Variants in KLF8 observed in about 807,000 individuals in gnomAD.
KLF8 encodes the protein KLF transcription factor 8.
A neutral mutation model predicts 18.2 loss-of-function variants in KLF8; 10 were observed. The ratio of observed to expected loss-of-function variants is 0.55; its 90% CI spans 0.34 to 0.93. The LOEUF (loss-of-function observed/expected upper bound fraction) is 0.93, where lower values mean the gene tolerates loss of function less well. Ranked by LOEUF, KLF8 falls within the 40% of genes least tolerant of loss-of-function variation. KLF8 has a pLI of 0.02. For missense variants in KLF8, 264 were observed against 277.9 expected (o/e 0.95, Z 0.36); for synonymous variants, 109 against 97.3 (o/e 1.12, Z -0.71).
the KLF8 span, among the ~76,000 whole-genome samples, chrX:56,181,793 C>G: frequency 9.4e-6 from 1 of 106,009 alleles, no homozygotes; most frequent in Non-Finnish European, 1.9e-5. Flanking sequence ...TATTGCTCCC[C>G]CCCCTTCTGG....
chrX:56,211,385 T>A, the KLF8 span, among the ~76,000 whole-genome samples: 1 of 112,192 alleles, frequency 8.9e-6, no homozygotes, highest in African/African-American at 3.2e-5. Flanking sequence ...ACATACAGAG[T>A]CTCTCTGTCT....
the KLF8 span, among the ~76,000 whole-genome samples, chrX:56,056,846 A>G: frequency 5.6e-4 from 61 of 108,943 alleles, no homozygotes; most frequent in South Asian, 0.024. Context: ...AAAAAAAAAA[A>G]AAAAAAAGAA....
At chrX:55,946,768 A>G in the KLF8 span, among the ~76,000 whole-genome samples, 2 of 111,167 alleles carry the variant, frequency 1.8e-5, no homozygotes, top group East Asian at 5.6e-4. Flanking sequence ...AGAATCTACA[A>G]TCAACTCAAA....
chrX:56,250,786 T>C (rs2066698367), intron 2 of KLF8, among the ~76,000 whole-genome samples: 1 of 111,336 alleles, frequency 9.0e-6, no homozygotes, highest in East Asian at 2.8e-4. Flanking sequence ...CATTAGATTG[T>C]GGAGGCATGG....
the KLF8 span, among the ~76,000 whole-genome samples, chrX:56,041,908 T>C: frequency 9.0e-6 from 1 of 111,560 alleles, no homozygotes; most frequent in Non-Finnish European, 1.9e-5. Context: ...CAGATGGTCT[T>C]GATCTCTTGA....
the KLF8 span, among the ~76,000 whole-genome samples, chrX:55,996,363 ATTCCAGACATT>A: frequency 8.9e-6 from 1 of 112,047 alleles, no homozygotes; most frequent in Non-Finnish European, 1.9e-5. Flanking sequence ...TATGGTTGTC[ATTCCAGACATT>A]TTAGTCTGGT....
the KLF8 span, among the ~76,000 whole-genome samples, chrX:56,127,246 G>T: frequency 9.0e-6 from 1 of 111,254 alleles, no homozygotes; most frequent in Admixed American, 9.6e-5. Context: ...ATATTGTTTT[G>T]TTTATCAATG....
chrX:56,162,461 G>A, the KLF8 span, among the ~76,000 whole-genome samples: 809 of 111,666 alleles, frequency 7.2e-3, 6 homozygotes, highest in African/African-American at 0.025. Flanking sequence ...CTCAAGCCTC[G>A]GCAATGCCGG....
chrX:56,191,299 A>C, the KLF8 span, among the ~76,000 whole-genome samples: 2 of 112,071 alleles, frequency 1.8e-5, no homozygotes, highest in East Asian at 5.6e-4. Flanking sequence ...ACAGGTAATG[A>C]GATTGAAGCT....
chrX:55,913,903 G>T, the KLF8 span, among the ~76,000 whole-genome samples: 1 of 111,842 alleles, frequency 8.9e-6, no homozygotes, highest in African/African-American at 3.2e-5. Flanking sequence ...AAAAGCAGTG[G>T]CTGGAAAAAC....
the KLF8 span, among the ~76,000 whole-genome samples, chrX:56,123,209 C>T: frequency 9.4e-6 from 1 of 106,260 alleles, no homozygotes; most frequent in Non-Finnish European, 1.9e-5. Context: ...TGACAGAGAG[C>T]CAGTGCATTC....
At chrX:56,071,191 T>A in the KLF8 span, among the ~76,000 whole-genome samples, 1 of 111,624 alleles carries the variant, frequency 9.0e-6, no homozygotes, top group Non-Finnish European at 1.9e-5. Context: ...AGACTGAATT[T>A]GAGATATGAA....
the KLF8 span, among the ~76,000 whole-genome samples, chrX:56,174,480 C>T: frequency 8.9e-6 from 1 of 111,935 alleles, no homozygotes; most frequent in South Asian, 3.7e-4. Flanking sequence ...TTTTGATGTG[C>T]TGCTGGATTA....
chrX:56,221,645 G>A, the KLF8 span, among the ~76,000 whole-genome samples: 4 of 110,916 alleles, frequency 3.6e-5, no homozygotes, highest in Non-Finnish European at 7.6e-5. Flanking sequence ...GAGTGTTACA[G>A]CTCTTAATGT....
At chrX:56,176,300 G>A in the KLF8 span, among the ~76,000 whole-genome samples, 1 of 111,644 alleles carries the variant, frequency 9.0e-6, no homozygotes, top group Non-Finnish European at 1.9e-5. Flanking sequence ...CAGGCCCGGT[G>A]GTGACAAAAT....
the KLF8 span, among the ~76,000 whole-genome samples, chrX:56,081,900 G>T: frequency 1.8e-5 from 2 of 111,678 alleles, no homozygotes; most frequent in Non-Finnish European, 3.8e-5. Context: ...ATTCATAGTG[G>T]ATATTTATCA....
At chrX:56,227,625 G>C (rs769277341), upstream of KLF8, among the ~76,000 whole-genome samples, 2 of 111,689 alleles carry the variant, frequency 1.8e-5, no homozygotes, top group African/African-American at 3.3e-5. Context: ...TTACAGGCGT[G>C]AGCCACGGTG....
chrX:56,055,229 A>G, the KLF8 span, among the ~76,000 whole-genome samples: 1 of 111,805 alleles, frequency 8.9e-6, no homozygotes. Flanking sequence ...TTACTTTTCC[A>G]TATTTAGTGA....
At chrX:55,992,314 T>A in the KLF8 span, among the ~76,000 whole-genome samples, 1 of 112,556 alleles carries the variant, frequency 8.9e-6, no homozygotes, top group Non-Finnish European at 1.9e-5. Context: ...ATATTCTGCA[T>A]ATGTCTAGCC....
Sources: allele counts gnomAD v4.1 joint callset (sites outside exome capture counted in the v4.1 genomes callset), GRCh38; gene constraint gnomAD v4.1.1; transcripts MANE v1.5; gene names NCBI Gene and HGNC (gene_info 2026-07-23, HGNC 2026-07-21).